DGKB: variants seen among roughly 807,000 people sequenced by gnomAD.
DGKB encodes the protein diacylglycerol kinase beta.
Under a neutral mutation model 114.3 loss-of-function variants are expected in DGKB, and 67 were observed. The ratio of observed to expected loss-of-function variants is 0.59; its 90% CI spans 0.48 to 0.72. The LOEUF (loss-of-function observed/expected upper bound fraction) is 0.72. Among genes scored for constraint, DGKB ranks in the 30% least tolerant of loss-of-function variants. The probability of loss-of-function intolerance (pLI) is 0.00; values close to 1 mark genes in which losing one functional copy is unlikely to be tolerated. For missense variants in DGKB, 907 were observed against 975.2 expected, an observed-to-expected ratio of 0.93 and a Z score of 0.93; for synonymous variants, 398 against 323.1, an observed-to-expected ratio of 1.23 and a Z score of -2.49.
chr7:14,804,261 C>CT (rs1367368469), intron 2 of DGKB, among the ~76,000 whole-genome samples: 2 of 151,922 alleles, frequency 1.3e-5, no homozygotes, highest in African/African-American at 4.8e-5. Flanking sequence ...TCTGATGTCT[C>CT]TTATTGCATG....
Position 14,270,048 on chromosome 7 carries a change from CAAAAAAAA to C in DGKB, c.2122+68459_2122+68466del, listed in dbSNP as rs397889901. ...TAAGTTTATTATAAGGCTTTTTTTG[CAAAAAAAA>C]AAAAAAAAAAAAAAAAAAAGAGAGA... On this transcript the variant is annotated intron_variant, in intron 23 of 25. Transcript: ENST00000402815. Among the ~76,000 whole-genome samples, 44 of 52,844 alleles carry C rather than the reference CAAAAAAAA, an allele frequency of 8.3e-4. 1 individual carries two copies. The South Asian group carries it at 0.035, about 42-fold the overall frequency. 34.7% of individuals were successfully genotyped at this position (52,844 alleles called of 152,430 possible).
chr7:14,505,872 C>A (rs552533600), intron 20 of DGKB, among the ~76,000 whole-genome samples: 1 of 152,102 alleles, frequency 6.6e-6, no homozygotes, highest in African/African-American at 2.4e-5. Flanking sequence ...GGTCTCTTTC[C>A]TGTGGATTCC....
At chr7:14,240,733 C>G (rs976629483) in intron 23 of DGKB, among the ~76,000 whole-genome samples, 2 of 152,118 alleles carry the variant, frequency 1.3e-5, no homozygotes, top group African/African-American at 4.8e-5. Flanking sequence ...ACTCTGACAT[C>G]TTGCTCTCTG....
intron 1 of DGKB, among the ~76,000 whole-genome samples, chr7:14,945,192 G>A (rs1785802895): frequency 6.6e-6 from 1 of 151,638 alleles, no homozygotes; most frequent in Non-Finnish European, 1.5e-5. Flanking sequence ...AGCAATGACA[G>A]GTATAAGTCT....
chr7:14,286,897 T>G (rs1405152607), intron 23 of DGKB, among the ~76,000 whole-genome samples: 1 of 152,156 alleles, frequency 6.6e-6, no homozygotes, highest in Non-Finnish European at 1.5e-5. Flanking sequence ...AATATGACAT[T>G]TTTTCACCTG....
chr7:14,505,874 G>A (rs1291175096), intron 20 of DGKB, among the ~76,000 whole-genome samples: 1 of 152,070 alleles, frequency 6.6e-6, no homozygotes, highest in Non-Finnish European at 1.5e-5. Flanking sequence ...TCTCTTTCCT[G>A]TGGATTCCAA....
At chr7:14,870,299 C>T (rs367954256) in intron 1 of DGKB, among the ~76,000 whole-genome samples, 3 of 152,108 alleles carry the variant, frequency 2.0e-5, no homozygotes, top group African/African-American at 4.8e-5. Context: ...ATTTTATGTG[C>T]TCAAACGATA....
In DGKB at chr7:14,357,796, T is replaced by C. The variant is rs928244638; in HGVS notation, c.1836-12405A>G. ...AACTCTTGTAAGGCAGGCTTGGTGG[T>C]GGCAAAATCTCTCAGCATTTGCTTG... is the stretch of plus-strand genomic sequence containing the variant. On this transcript the variant is annotated intron_variant, in intron 21 of 25. Transcript: ENST00000402815. Among the ~76,000 whole-genome samples, 3 of 152,222 alleles carry C rather than the reference T, an allele frequency of 2.0e-5. No individual in the cohort carries two copies. The East Asian group carries it at 5.8e-4, about 29-fold the overall frequency.
intron 2 of DGKB, among the ~76,000 whole-genome samples, chr7:14,779,140 A>C (rs565112178): frequency 2.0e-5 from 3 of 152,330 alleles, no homozygotes; most frequent in African/African-American, 7.2e-5. Context: ...TGGGAGACAG[A>C]GTGAGACTCC....
At chr7:14,624,127 C>T (rs1808144654) in intron 14 of DGKB, among the ~76,000 whole-genome samples, 1 of 152,022 alleles carries the variant, frequency 6.6e-6, no homozygotes, top group Non-Finnish European at 1.5e-5. Context: ...TATGAAAAAA[C>T]ATTCAGTGGT....
chr7:14,759,065 C>T (rs896119372), intron 2 of DGKB, among the ~76,000 whole-genome samples: 1 of 152,160 alleles, frequency 6.6e-6, no homozygotes, highest in Non-Finnish European at 1.5e-5. Context: ...GCTGGGATTA[C>T]AGGGGCTTAC....
At chr7:14,391,872 G>C (rs1821373977) in intron 21 of DGKB, among the ~76,000 whole-genome samples, 1 of 152,100 alleles carries the variant, frequency 6.6e-6, no homozygotes. Context: ...ATAATATTGA[G>C]AGACTTTACT....
At chr7:14,886,946 A>G (rs1780379895) in intron 1 of DGKB, among the ~76,000 whole-genome samples, 1 of 151,932 alleles carries the variant, frequency 6.6e-6, no homozygotes, top group Non-Finnish European at 1.5e-5. Flanking sequence ...CTTGCAATAA[A>G]GCCTTTTTAC....
intron 20 of DGKB, among the ~76,000 whole-genome samples, chr7:14,540,782 A>T (rs1335111843): frequency 1.3e-5 from 2 of 152,218 alleles, no homozygotes; most frequent in African/African-American, 2.4e-5. Flanking sequence ...TTTAAAACAC[A>T]TAAGCAGTAA....
intron 23 of DGKB, among the ~76,000 whole-genome samples, chr7:14,207,828 G>A (rs1787080942): frequency 6.6e-6 from 1 of 151,804 alleles, no homozygotes; most frequent in Admixed American, 6.6e-5. Context: ...ACAAAAGAGG[G>A]GAAGGAAATG....
chr7:14,158,763 A>G (rs1295820518), intron 25 of DGKB, among the ~76,000 whole-genome samples: 1 of 152,108 alleles, frequency 6.6e-6, no homozygotes, highest in Admixed American at 6.5e-5. Context: ...GAGGAAACTG[A>G]TTGTTTTTTC....
intron 1 of DGKB, among the ~76,000 whole-genome samples, chr7:14,964,018 G>A (rs1787012499): frequency 1.3e-5 from 2 of 152,194 alleles, no homozygotes; most frequent in East Asian, 3.9e-4. Context: ...TTTGCAGTGG[G>A]AAAATTATTT....
chr7:14,474,278 C>T (rs1781846281), intron 21 of DGKB, among the ~76,000 whole-genome samples: 1 of 152,146 alleles, frequency 6.6e-6, no homozygotes. Context: ...TTTCCCTGCA[C>T]AAGCTCTCTC....
At chr7:14,760,087 C>T (rs897232887) in intron 2 of DGKB, among the ~76,000 whole-genome samples, 2 of 152,000 alleles carry the variant, frequency 1.3e-5, no homozygotes, top group African/African-American at 2.4e-5. Flanking sequence ...GTTCTTTGAC[C>T]ATTTTTTAAT....
Sources: gnomAD v4.1 joint callset for allele counts (sites outside exome capture counted in the v4.1 genomes callset) on GRCh38, gnomAD v4.1.1 for gene constraint, MANE v1.5 for transcripts, NCBI Gene and HGNC (gene_info 2026-07-23, HGNC 2026-07-21) for gene names.